The following IYD variants were observed in gnomAD, a reference collection of about 807,000 sequenced individuals.
IYD encodes iodotyrosine deiodinase 1.
IYD carries 25 observed loss-of-function variants against 28.4 expected under a neutral mutation model. The ratio of observed to expected loss-of-function variants is 0.88; its 90% CI spans 0.64 to 1.23. IYD has a LOEUF of 1.23. Ranked by LOEUF, IYD falls within the 50% of genes most tolerant of loss-of-function variation. The pLI, the probability that IYD is intolerant of heterozygous loss-of-function variation, is 0.00. For missense variants in IYD, 352 were observed against 357.9 expected (o/e 0.98, Z 0.13); for synonymous variants, 140 against 130.8 (o/e 1.07, Z -0.48).
In IYD at chr6:150,392,443, G is replaced by A; in HGVS notation, c.469G>A (p.Glu157Lys). Residue 157 changes from glutamate (E) to lysine (K), a missense_variant, in exon 3 of 5, where the codon GAG (glutamate) becomes AAG (lysine). Coordinates refer to ENST00000344419, the MANE Select transcript of IYD (RefSeq NM_203395.3). ...GATTCGAAAGATCATTGAGGAGGAA[G>A]AGGAGATCAACTACATGAAAAGGAT... ...HKIRKIIEEEEEINYMKRMGH... is the reference protein window; with the variant it reads ...HKIRKIIEEEKEINYMKRMGH... 6.2e-7 allele frequency: 1 copy of A among 1,613,904 alleles called. No individual in the cohort carries two copies. The highest frequency in any genetic ancestry group is 1.3e-5 in the African/African-American group (1 of 75,036).
chr6:150,382,585 TA>T (rs34049467), intron 1 of IYD, among the ~76,000 whole-genome samples: 86,620 of 151,870 alleles, frequency 0.57, 25,098 homozygotes, highest in African/African-American at 0.65. Context: ...GGACTCCAAT[TA>T]AATGGTTAGA....
chr6:150,391,653 G>A (rs1778123050), intron 2 of IYD, among the ~76,000 whole-genome samples: 1 of 152,156 alleles, frequency 6.6e-6, no homozygotes, highest in Non-Finnish European at 1.5e-5. Context: ...AGGGTTCACT[G>A]CCAGGCATTT....
At chr6:150,397,269 A>G (rs1051581520) in intron 4 of IYD, among the ~76,000 whole-genome samples, 3 of 152,014 alleles carry the variant, frequency 2.0e-5, no homozygotes, top group Admixed American at 2.0e-4. Context: ...TCAGGAAAGA[A>G]TATTTAGCAG....
chr6:150,383,816 AAAAAC>A (rs1166382163), intron 1 of IYD, among the ~76,000 whole-genome samples: 4 of 144,770 alleles, frequency 2.8e-5, no homozygotes, highest in African/African-American at 1.1e-4. Context: ...AAACAAAAAC[AAAAAC>A]AAAAAAAATT....
chr6:150,369,627 G>A (rs930664902), intron 1 of IYD, among the ~76,000 whole-genome samples: 1 of 152,226 alleles, frequency 6.6e-6, no homozygotes, highest in Non-Finnish European at 1.5e-5. Flanking sequence ...GGCCCTGGAA[G>A]TGAAAGCCTG....
rs1181070958 is a variant in IYD at position 150,403,897 on chromosome 6, G to A, written c.*5660G>A. 1 of 152,204 alleles carries A rather than the reference G, an allele frequency of 6.6e-6. No individual in the cohort carries two copies. The allele number at this position is 152,204 out of a possible 1,614,324, so 9.4% of individuals were successfully genotyped here. A position where few individuals can be genotyped will look rare whatever the true frequency, so the allele number is the denominator to read the frequency against. ...CGCAAAAGCCAATGAGATCATAAAG[G>A]AAGTTGTTAGCTAACCTAGGTGGAG... On this transcript the variant is annotated 3_prime_UTR_variant, in exon 5 of 5. Coordinates refer to ENST00000344419, the MANE Select transcript of IYD (RefSeq NM_203395.3).
At chr6:150,385,979 C>G (rs1205343460) in intron 1 of IYD, among the ~76,000 whole-genome samples, 1 of 151,648 alleles carries the variant, frequency 6.6e-6, no homozygotes, top group Non-Finnish European at 1.5e-5. Flanking sequence ...CTTTTTCATT[C>G]CTGATATTTG....
intron 1 of IYD, among the ~76,000 whole-genome samples, chr6:150,378,624 C>T (rs1582775887): frequency 1.3e-5 from 2 of 152,042 alleles, no homozygotes; most frequent in Non-Finnish European, 2.9e-5. Context: ...TGGCAATCAT[C>T]AAAAAGTCAG....
At chr6:150,385,099 A>C (rs568368283) in intron 1 of IYD, 1 of 152,308 alleles carries the variant, frequency 6.6e-6, no homozygotes, top group African/African-American at 2.4e-5. Flanking sequence ...TGGCAGAAGC[A>C]GGCAGACATA....
intron 1 of IYD, among the ~76,000 whole-genome samples, chr6:150,387,125 G>A (rs1388202801): frequency 7.9e-5 from 12 of 152,086 alleles, no homozygotes; most frequent in African/African-American, 2.9e-4. Flanking sequence ...TTACCTGTAG[G>A]CAAGAAGCCT....
At chr6:150,394,590 G>A (rs988101261) in intron 4 of IYD, among the ~76,000 whole-genome samples, 6 of 152,164 alleles carry the variant, frequency 3.9e-5, no homozygotes, top group African/African-American at 1.4e-4. Context: ...TACGTTTACT[G>A]TTGCTCTCAG....
chr6:150,378,350 C>T (rs1355792801), intron 1 of IYD, among the ~76,000 whole-genome samples: 2 of 151,128 alleles, frequency 1.3e-5, no homozygotes, highest in African/African-American at 4.9e-5. Context: ...CCACAACAGT[C>T]CCCAGAGTGT....
At chr6:150,383,793 T>TAAAA (rs754408425) in intron 1 of IYD, among the ~76,000 whole-genome samples, 23 of 57,084 alleles carry the variant, frequency 4.0e-4, no homozygotes, top group African/African-American at 1.2e-3. Context: ...ACCAAGTCTC[T>TAAAA]AAAAAAAAAA....
intron 2 of IYD, among the ~76,000 whole-genome samples, chr6:150,391,896 A>T (rs1582796182): frequency 1.3e-5 from 2 of 151,950 alleles, no homozygotes; most frequent in South Asian, 4.2e-4. Context: ...TTTAGTAGAG[A>T]CAGGGTTTCA....
rs368764803 is a variant in IYD, at chr6:150,370,160, AGTGT to A, written c.178+957_178+960del. 725 of 652,598 alleles carry A rather than the reference AGTGT, an allele frequency of 1.1e-3. 9 individuals carry two copies. The African/African-American group carries it at 0.011, about 10-fold the overall frequency. 40.4% of individuals were successfully genotyped at this position (652,598 alleles called of 1,614,324 possible). A position where few individuals can be genotyped will look rare whatever the true frequency, so the allele number is the denominator to read the frequency against. On this transcript the variant is annotated intron_variant, in intron 1 of 4. Coordinates refer to ENST00000344419, the MANE Select transcript of IYD (RefSeq NM_203395.3). ...CAAACAGAGGCCACCTGGACATGTG[AGTGT>A]GTGTGAGTGTATGTGTGTGAGAGTG...
chr6:150,380,991 A>G (rs1777626756), intron 1 of IYD, among the ~76,000 whole-genome samples: 1 of 152,122 alleles, frequency 6.6e-6, no homozygotes, highest in Non-Finnish European at 1.5e-5. Flanking sequence ...GCACAGGAAA[A>G]TCGTCAGAGG....
In IYD at chr6:150,392,423, G is replaced by A. The variant is rs779396449; in HGVS notation, c.449G>A (p.Arg150Gln). The stretch of plus-strand genomic sequence containing the variant: ...GACCCAGACGTGAAGCACAAGATTC[G>A]AAAGATCATTGAGGAGGAAGAGGAG... Reference protein sequence around the residue: ...VKDPDVKHKIRKIIEEEEEIN... With the variant: ...VKDPDVKHKIQKIIEEEEEIN... The change falls in exon 3 of 5, where the codon CGA becomes CAA. Residue 150 changes from arginine (R) to glutamine (Q), a missense_variant. Coordinates refer to ENST00000344419, the MANE Select transcript of IYD (RefSeq NM_203395.3). 7.4e-6 allele frequency: 12 copies of A among 1,613,782 alleles called. No individual in the cohort carries two copies. Among genetic ancestry groups the A allele is most frequent in the Middle Eastern group, 1.6e-4 (1 of 6,062 alleles).
intron 1 of IYD, among the ~76,000 whole-genome samples, chr6:150,372,639 TG>T (rs1777304293): frequency 7.8e-5 from 1 of 12,820 alleles, no homozygotes; most frequent in Non-Finnish European, 1.8e-4. Context: ...TGTGTATGGG[TG>T]GGGTGGGGGT....
chr6:150,370,271 G>T (rs149238349), intron 1 of IYD, among the ~76,000 whole-genome samples: 1 of 151,286 alleles, frequency 6.6e-6, no homozygotes, highest in East Asian at 2.0e-4. Flanking sequence ...GTGCATGTGA[G>T]TGTTCATTAA....
Sources: gnomAD v4.1 joint callset for allele counts (sites outside exome capture counted in the v4.1 genomes callset) on GRCh38, gnomAD v4.1.1 for gene constraint, MANE v1.5 for transcripts, NCBI Gene and HGNC (gene_info 2026-07-23, HGNC 2026-07-21) for gene names.